IL4I1: variants seen among roughly 807,000 people sequenced by gnomAD.
IL4I1 encodes the protein L-amino-acid oxidase.
A neutral mutation model predicts 29.7 loss-of-function variants in IL4I1; 24 were observed. That is an observed-to-expected ratio of 0.81 (90% CI 0.59 to 1.14). The LOEUF (loss-of-function observed/expected upper bound fraction) is 1.14, where lower values mean the gene tolerates loss of function less well. Ranked by LOEUF, IL4I1 falls within the 50% of genes most tolerant of loss-of-function variation. IL4I1 has a pLI of 0.00. For missense variants in IL4I1, 686 were observed against 785.6 expected (o/e 0.87, Z 1.52); for synonymous variants, 371 against 352.5 (o/e 1.05, Z -0.59).
rs565856330 is a variant in IL4I1, at chr19:49,920,612, C to T, written c.-228+7082G>A. On this transcript the variant is annotated intron_variant, in intron 2 of 9. Coordinates refer to the IL4I1 transcript ENST00000341114. ...GCTGTGGAGGCGGATAGGCGTCAGG[C>T]TCAGAGCTGACTTTACCCCGAGGGC... is the stretch of plus-strand genomic sequence containing the variant. Among the ~76,000 whole-genome samples, 99 of 152,328 alleles carry T rather than the reference C, an allele frequency of 6.5e-4. 1 individual carries two copies. The highest frequency in any genetic ancestry group is 1.2e-3 in the Non-Finnish European group (84 of 68,030).
Position 49,895,049 on chromosome 19 carries a change from G to A in IL4I1, c.365+19C>T, listed in dbSNP as rs766467283. On this transcript the variant is annotated intron_variant, in intron 4 of 7. Coordinates refer to ENST00000391826, the MANE Select transcript of IL4I1 (RefSeq NM_152899.2). ...GCTAGTTGAGTCTAGGCACACAGGT[G>A]GGTGGGTTGCTAGGTCACCTGTGAG... 7 of 1,592,620 alleles carry A rather than the reference G, an allele frequency of 4.4e-6. No individual in the cohort carries two copies. The highest frequency in any genetic ancestry group is 6.0e-6 in the Non-Finnish European group (7 of 1,161,426).
chr19:49,919,587 T>C (rs2075714631), intron 2 of IL4I1, among the ~76,000 whole-genome samples: 1 of 152,140 alleles, frequency 6.6e-6, no homozygotes, highest in Admixed American at 6.5e-5. Flanking sequence ...TTCAACCTTC[T>C]CTCCTGCTTT....
chr19:49,912,645 C>T (rs2075502461), intron 2 of IL4I1, among the ~76,000 whole-genome samples: 1 of 152,132 alleles, frequency 6.6e-6, no homozygotes, highest in African/African-American at 2.4e-5. Flanking sequence ...GGGGGGATCG[C>T]TTGAGCCCAG....
At chr19:49,905,542 TG>T (rs1347622978) in intron 2 of IL4I1, among the ~76,000 whole-genome samples, 4 of 152,172 alleles carry the variant, frequency 2.6e-5, no homozygotes, top group Admixed American at 1.3e-4. Context: ...CACACACCCA[TG>T]GTTTCTACTT....
intron 2 of IL4I1, among the ~76,000 whole-genome samples, chr19:49,927,081 G>A (rs1472024808): frequency 6.6e-6 from 1 of 152,070 alleles, no homozygotes; most frequent in South Asian, 2.1e-4. Context: ...GGCTGGTCTC[G>A]AATTCCTGAG....
chr19:49,890,404 C>G lies in IL4I1; in HGVS notation c.970G>C (p.Gly324Arg). 1 of 1,607,692 alleles carries G rather than the reference C, an allele frequency of 6.2e-7. No homozygotes were observed. Among genetic ancestry groups the G allele is most frequent in the Middle Eastern group, 1.7e-4 (1 of 6,050 alleles). ...KADVVLLTAS[G>R]PAVKRITFSP... The stretch of plus-strand genomic sequence containing the variant: ...AAGGTGATGCGCTTCACCGCCGGTC[C>G]GCTCGCCGTCAGCAGCACCACGTCG... Residue 324 changes from glycine to arginine, a missense_variant, in exon 8 of 8, where the codon GGA (glycine) becomes CGA (arginine). Coordinates refer to ENST00000391826, the MANE Select transcript of IL4I1 (RefSeq NM_152899.2).
chr19:49,891,922 G>A (rs1429229485), intron 5 of IL4I1, among the ~76,000 whole-genome samples: 5 of 152,026 alleles, frequency 3.3e-5, no homozygotes, highest in Non-Finnish European at 7.4e-5. Context: ...CTGGTCCCCT[G>A]TGCCACTGGT....
upstream of IL4I1, chr19:49,897,032 G>C (rs1345002232): frequency 3.8e-6 from 1 of 263,124 alleles, no homozygotes. Flanking sequence ...TTGGAGAAAG[G>C]GGGTTGGAGG....
chr19:49,904,635 G>A (rs1450757698), intron 2 of IL4I1, among the ~76,000 whole-genome samples: 1 of 151,980 alleles, frequency 6.6e-6, no homozygotes. Flanking sequence ...TGCAACCTCC[G>A]CCTCCCAGGT....
rs774511293 is a variant in IL4I1 at position 49,890,269 on chromosome 19, T to A, written c.1105A>T (p.Ile369Phe). 1.3e-6 allele frequency: 2 copies of A among 1,587,894 alleles called. No individual in the cohort carries two copies. The highest frequency in any genetic ancestry group is 1.7e-6 in the Non-Finnish European group (2 of 1,168,022). Residue 369 changes from isoleucine to phenylalanine, a missense_variant, in exon 8 of 8, where the codon ATT (isoleucine) becomes TTT (phenylalanine). Ile to Phe is a conservative substitution (Grantham distance 21). Coordinates refer to ENST00000391826, the MANE Select transcript of IL4I1 (RefSeq NM_152899.2). ...FRRPFWREEH[I>F]EGGHSNTDRP... Reference sequence around the variant, plus strand: ...TCGGTGTTTGAGTGGCCGCCTTCAATGTGCTCCTCGCGCCAGAAGGGCCTG... The same window carrying A: ...TCGGTGTTTGAGTGGCCGCCTTCAAAGTGCTCCTCGCGCCAGAAGGGCCTG...
At chr19:49,894,587 G>A in intron 4 of IL4I1, 118 bp from the exon 5 acceptor site, 1 of 704,790 alleles carries the variant, frequency 1.4e-6, no homozygotes, top group Non-Finnish European at 2.4e-6. Flanking sequence ...ATGAGGCTGG[G>A]GGTGGGGCTA....
intron 5 of IL4I1, among the ~76,000 whole-genome samples, chr19:49,893,848 G>T (rs951370757): frequency 6.6e-6 from 1 of 151,926 alleles, no homozygotes; most frequent in South Asian, 2.1e-4. Flanking sequence ...TTAGCTGGGC[G>T]TGGTGGCGGG....
chr19:49,890,688 C>T lies in IL4I1; in HGVS notation c.774-88G>A, dbSNP rs528246743. ...TTGCCCCACCCACCCCGGCAGCTGG[C>T]CCTTATGGGCACCGGCCCGCTCCCC... On this transcript the variant is annotated intron_variant, in intron 7 of 7. Coordinates refer to ENST00000391826, the MANE Select transcript of IL4I1 (RefSeq NM_152899.2). 1.3e-5 allele frequency: 13 copies of T among 1,038,234 alleles called. No homozygotes were observed. In the South Asian group the frequency reaches 1.9e-4, roughly 15 times the overall value. The allele number at this position is 1,038,234 out of a possible 1,614,324, so 64.3% of individuals were successfully genotyped here.
intron 5 of IL4I1, among the ~76,000 whole-genome samples, chr19:49,893,112 G>T (rs1343919975): frequency 6.6e-6 from 1 of 152,174 alleles, no homozygotes; most frequent in Non-Finnish European, 1.5e-5. Flanking sequence ...CTGGAGGGGT[G>T]CAGAAGGGAA....
chr19:49,901,674 A>G (rs1173568642), upstream of IL4I1: 9 of 1,540,582 alleles, frequency 5.8e-6, no homozygotes, highest in Non-Finnish European at 7.9e-6. Flanking sequence ...CTCAGCACCC[A>G]TGGCCTTTAT....
At chr19:49,923,157 T>C (rs1312722790) in intron 2 of IL4I1, among the ~76,000 whole-genome samples, 2 of 151,932 alleles carry the variant, frequency 1.3e-5, no homozygotes, top group Non-Finnish European at 2.9e-5. Flanking sequence ...TCTGGAGGAC[T>C]GTGGGCCACG....
Position 49,890,122 on chromosome 19 carries a change from A to G in IL4I1, c.1252T>C (p.Leu418=), listed in dbSNP as rs761563577. ...AGLSREEALR[L]ALDDVAALHG... ...AATGCCGCCACGTCGTCGAGCGCCA[A>G]GCGCAACGCCTCTTCCCGGCTCAAG... The change falls in exon 8 of 8, where the codon TTG becomes CTG. Residue 418 remains leucine (L), a synonymous_variant. Coordinates refer to ENST00000391826, the MANE Select transcript of IL4I1 (RefSeq NM_152899.2). The G allele has an allele frequency of 6.5e-7, 1 of 1,543,592 alleles. No individual in the cohort carries two copies. The highest frequency in any genetic ancestry group is 8.7e-7 in the Non-Finnish European group (1 of 1,145,282).
chr19:49,929,072 C>G (rs1331492641), intron 1 of IL4I1: 5 of 152,234 alleles, frequency 3.3e-5, no homozygotes, highest in Non-Finnish European at 1.5e-5. Context: ...AGGCTCGGAT[C>G]CCCTGATCCC....
chr19:49,909,757 C>G (rs201611239), intron 2 of IL4I1: 1 of 1,614,142 alleles, frequency 6.2e-7, no homozygotes, highest in Non-Finnish European at 8.5e-7. Context: ...CAGTGCCAAA[C>G]GTGAACCCGC....
Sources: gnomAD v4.1 joint callset for allele counts (sites outside exome capture counted in the v4.1 genomes callset) on GRCh38, gnomAD v4.1.1 for gene constraint, MANE v1.5 for transcripts, NCBI Gene and HGNC (gene_info 2026-07-23, HGNC 2026-07-21) for gene names.